Variants in COL18A1 observed in about 807,000 individuals in gnomAD.
COL18A1 encodes collagen type XVIII alpha 1 chain, also known as collagen alpha-1(XVIII) chain.
COL18A1 carries 133 observed loss-of-function variants against 168.0 expected under a neutral mutation model. The ratio of observed to expected loss-of-function variants is 0.79; its 90% CI spans 0.69 to 0.91. The LOEUF (loss-of-function observed/expected upper bound fraction) is 0.91. Ranked by LOEUF, COL18A1 falls within the 40% of genes least tolerant of loss-of-function variation. The pLI is 0.00. For missense variants in COL18A1, 2,126 were observed against 1,925.4 expected, an observed-to-expected ratio of 1.10 and a Z score of -1.95; for synonymous variants, 949 against 809.0, an observed-to-expected ratio of 1.17 and a Z score of -2.94.
At chr21:45,499,331 G>A (rs1041882268) in intron 32 of COL18A1, among the ~76,000 whole-genome samples, 2 of 152,236 alleles carry the variant, frequency 1.3e-5, no homozygotes, top group African/African-American at 4.8e-5. Context: ...AGACAACGCT[G>A]GCAGGAACCG....
rs753682727 is a variant in COL18A1 at position 45,423,053 on chromosome 21, A to T, written c.106+17580A>T. On this transcript the variant is annotated intron_variant, in intron 2 of 41. Coordinates refer to ENST00000651438, the MANE Select transcript of COL18A1 (RefSeq NM_001379500.1). The surrounding 1 kb of genome is among the most constrained non-coding windows in gnomAD (Gnocchi z 4.0). The stretch of plus-strand genomic sequence containing the variant: ...GGTCTCTAACTCCCGACCTCAGGTG[A>T]TCTGCCCGCATCTCCTTCCCAGAGT... Among the ~76,000 whole-genome samples, 18 of 152,058 alleles carry T rather than the reference A, an allele frequency of 1.2e-4. No homozygotes were observed. Among genetic ancestry groups the T allele is most frequent in the Non-Finnish European group, 2.1e-4 (14 of 68,006 alleles).
In COL18A1 at chr21:45,476,374, C is replaced by G. The variant is rs763512330; in HGVS notation, c.822C>G (p.Leu274=). ...AGGGCGCGGCCCTAAAACCCAGGCT[C>G]CCCGCGCCACCCCCCGTCACCACGC... ...EETGAALKPR[L]PAPPPVTTPP... is the part of the protein sequence containing the mutation. Residue 274 remains leucine (L), a synonymous_variant, in exon 6 of 42, where the codon CTC becomes CTG. Coordinates refer to ENST00000651438, the MANE Select transcript of COL18A1 (RefSeq NM_001379500.1). The G allele has an allele frequency of 6.2e-7, 1 of 1,614,116 alleles. No individual in the cohort carries two copies. Among genetic ancestry groups the G allele is most frequent in the Non-Finnish European group, 8.5e-7 (1 of 1,180,014 alleles).
chr21:45,497,597 A>G lies in COL18A1; in HGVS notation c.2621-2A>G, dbSNP rs1239178537. ...ATGGGCACTGGGTCTCTCTTCCTCCAGGGAATCAGGGCCCTCCAGGACCCA... is the reference window on the plus strand; with the variant it reads ...ATGGGCACTGGGTCTCTCTTCCTCCGGGGAATCAGGGCCCTCCAGGACCCA... On this transcript the variant is annotated splice_acceptor_variant, in intron 31 of 41. Coordinates refer to ENST00000651438, the MANE Select transcript of COL18A1 (RefSeq NM_001379500.1). LOFTEE classifies it high-confidence loss of function. 3 of 1,559,986 alleles carry G rather than the reference A, an allele frequency of 1.9e-6. No individual in the cohort carries two copies. Among genetic ancestry groups the G allele is most frequent in the Non-Finnish European group, 2.6e-6 (3 of 1,152,446 alleles).
Position 45,477,440 on chromosome 21 carries a change from T to G in COL18A1, c.958T>G (p.Ser320Ala). 4 of 1,613,218 alleles carry G rather than the reference T, an allele frequency of 2.5e-6. No individual in the cohort carries two copies. Among genetic ancestry groups the G allele is most frequent in the Non-Finnish European group, 2.5e-6 (3 of 1,179,690 alleles). The change falls in exon 7 of 42, where the codon TCC becomes GCC. Residue 320 changes from serine (S) to alanine (A), a missense_variant. Coordinates refer to ENST00000651438, the MANE Select transcript of COL18A1 (RefSeq NM_001379500.1). ...AQTLPGSDSV[S>A]TWDGSVRTPG... is the part of the protein sequence containing the mutation. The stretch of plus-strand genomic sequence containing the variant: ...GACACTTCCTGGCTCAGATTCTGTC[T>G]CCACGTGGGACGGGAGTGTCCGGAC...
At chr21:45,470,088 T>A (rs2035357401) in intron 3 of COL18A1, among the ~76,000 whole-genome samples, 1 of 152,252 alleles carries the variant, frequency 6.6e-6, no homozygotes, top group South Asian at 2.1e-4. Flanking sequence ...GCTCGGTACG[T>A]GGGTGCACAG....
rs999352470 is a variant in COL18A1 at position 45,471,038 on chromosome 21, G to A, written c.651+2252G>A. On this transcript the variant is annotated intron_variant, in intron 3 of 41. Coordinates refer to ENST00000651438, the MANE Select transcript of COL18A1 (RefSeq NM_001379500.1). This position sits in a 1 kb window ranked among gnomAD's most constrained non-coding sequence, Gnocchi z 4.4. Reference sequence around the variant, plus strand: ...GCGTGCTACGGGCTTGTGCTGCTGGGTGTGGGTGGCGCGCTACGGGCCTTG... The same window carrying A: ...GCGTGCTACGGGCTTGTGCTGCTGGATGTGGGTGGCGCGCTACGGGCCTTG... Among the ~76,000 whole-genome samples the A allele has an allele frequency of 1.3e-5, 2 of 151,796 alleles. No homozygotes were observed. The highest frequency in any genetic ancestry group is 4.8e-5 in the African/African-American group (2 of 41,330).
At position 45,510,276 on chromosome 21, in the gene COL18A1, TC is replaced by T; in HGVS notation, c.3693+17del. 1 of 1,591,154 alleles carries T rather than the reference TC, an allele frequency of 6.3e-7. No individual in the cohort carries two copies. The highest frequency in any genetic ancestry group is 8.5e-7 in the Non-Finnish European group (1 of 1,169,720). ...TCAACCTCAAGGTGGGTCAGTCCAG[TC>T]CTGAGGGCGCGGGCTCCTCGGCCCC... On this transcript the variant is annotated intron_variant, in intron 40 of 41. Transcript: ENST00000651438.
Position 45,494,859 on chromosome 21 carries a change from C to T in COL18A1, c.2380-3C>T, listed in dbSNP as rs375708543. 1.5e-5 allele frequency: 24 copies of T among 1,607,890 alleles called. No homozygotes were observed. In the African/African-American group the frequency reaches 2.3e-4, roughly 15 times the overall value. On this transcript the variant is annotated splice_polypyrimidine_tract_variant and splice_region_variant and intron_variant, in intron 27 of 41. Transcript: ENST00000651438. ...ACTAAGCCTGGCCCCCTTCCTCTTG[C>T]AGGGTCCATACGGACGGCCGGGGTA...
At chr21:45,411,639 C>T (rs997391694) in intron 2 of COL18A1, among the ~76,000 whole-genome samples, 22 of 152,068 alleles carry the variant, frequency 1.4e-4, no homozygotes, top group East Asian at 3.9e-4. Flanking sequence ...CTGGAGGGCC[C>T]GGCGCTGTGA....
intron 28 of COL18A1, 82 bp downstream of exon 28, chr21:45,494,997 C>T: frequency 7.9e-7 from 1 of 1,262,460 alleles, no homozygotes; most frequent in Non-Finnish European, 1.1e-6. Context: ...GGGTGACATG[C>T]CCAGAGGGGA....
intron 32 of COL18A1, among the ~76,000 whole-genome samples, chr21:45,503,154 C>T (rs912658067): frequency 6.6e-6 from 1 of 152,172 alleles, no homozygotes; most frequent in Non-Finnish European, 1.5e-5. Flanking sequence ...ACACTGACTT[C>T]CACAATGGTT....
intron 2 of COL18A1, among the ~76,000 whole-genome samples, chr21:45,416,125 G>T (rs1487472741): frequency 6.6e-6 from 1 of 152,188 alleles, no homozygotes; most frequent in African/African-American, 2.4e-5. Flanking sequence ...TGTGGGGCCC[G>T]TGAAACCTGT....
intron 37 of COL18A1, chr21:45,506,383 C>T (rs2838950): frequency 0.3 from 101,287 of 336,074 alleles, 17,242 homozygotes; most frequent in East Asian, 0.57. Context: ...CTCTGCACCC[C>T]GCGTTATAAA....
rs776421433 is a variant in COL18A1 at position 45,471,512 on chromosome 21, C to T, written c.652-2383C>T. Among the ~76,000 whole-genome samples, 2 of 152,204 alleles carry T rather than the reference C, an allele frequency of 1.3e-5. No individual in the cohort carries two copies. Among genetic ancestry groups the T allele is most frequent in the Non-Finnish European group, 2.9e-5 (2 of 68,026 alleles). ...CTCCACAAGACTGCATCGACCCTGG[C>T]GCTGCCACAGATGGTGCCTGGGACC... On this transcript the variant is annotated intron_variant, in intron 3 of 41. Coordinates refer to ENST00000651438, the MANE Select transcript of COL18A1 (RefSeq NM_001379500.1). This position sits in a 1 kb window ranked among gnomAD's most constrained non-coding sequence, Gnocchi z 4.4.
At chr21:45,488,966 C>T (rs1212342344) in intron 18 of COL18A1, among the ~76,000 whole-genome samples, 2 of 152,096 alleles carry the variant, frequency 1.3e-5, no homozygotes, top group African/African-American at 2.4e-5. Flanking sequence ...CTGGAGCCTC[C>T]TCTCCTAGGC....
chr21:45,456,470 C>G (rs1436360215), intron 2 of COL18A1: 2 of 1,545,578 alleles, frequency 1.3e-6, no homozygotes, highest in Non-Finnish European at 1.8e-6. Flanking sequence ...CTCTGTGGGG[C>G]CGGGTCTTGC....
chr21:45,486,055 C>T (rs1466033422), intron 15 of COL18A1, among the ~76,000 whole-genome samples: 1 of 152,242 alleles, frequency 6.6e-6, no homozygotes, highest in Non-Finnish European at 1.5e-5. Flanking sequence ...GGCCTCCCTC[C>T]CTCACGCCCC....
chr21:45,461,440 C>T (rs189949384), intron 2 of COL18A1, among the ~76,000 whole-genome samples: 191 of 151,438 alleles, frequency 1.3e-3, no homozygotes, highest in African/African-American at 4.4e-3. Flanking sequence ...GCATGGGCAC[C>T]GTCCATCCGG....
chr21:45,449,574 G>T (rs1240521716), intron 2 of COL18A1, among the ~76,000 whole-genome samples: 4 of 152,138 alleles, frequency 2.6e-5, no homozygotes, highest in African/African-American at 9.7e-5. Flanking sequence ...GGGCTTATGG[G>T]GCACCCTGAG....
Sources: allele counts gnomAD v4.1 joint callset (sites outside exome capture counted in the v4.1 genomes callset), GRCh38; gene constraint gnomAD v4.1.1; non-coding constraint Gnocchi (gnomAD v3.1); transcripts MANE v1.5; gene names NCBI Gene and HGNC (gene_info 2026-07-23, HGNC 2026-07-21).